Variants in CDKN3 observed in about 807,000 individuals in gnomAD.
CDKN3 encodes the protein cyclin dependent kinase inhibitor 3.
In CDKN3, 19 loss-of-function variants were observed where a neutral mutation model predicts 36.1. That is an observed-to-expected ratio of 0.53 (90% CI 0.37 to 0.77). The LOEUF is 0.77. Ranked by LOEUF, CDKN3 falls within the 30% of genes least tolerant of loss-of-function variation. The pLI, the probability that CDKN3 is intolerant of heterozygous loss-of-function variation, is 0.00. For synonymous variants in CDKN3, 71 were observed against 85.3 expected, an observed-to-expected ratio of 0.83 and a Z score of 0.92; for missense variants, 188 against 248.6, an observed-to-expected ratio of 0.76 and a Z score of 1.64.
chr14:54,414,005 C>A, intron 5 of CDKN3: 1 of 229,948 alleles, frequency 4.3e-6, no homozygotes, highest in South Asian at 9.6e-5. Context: ...TGGTGGTGGC[C>A]ATCAATCCAT....
intron 3 of CDKN3, among the ~76,000 whole-genome samples, chr14:54,406,922 TC>T (rs1225241525): frequency 6.6e-6 from 1 of 152,180 alleles, no homozygotes; most frequent in Non-Finnish European, 1.5e-5. Context: ...GAAGAGGTAT[TC>T]TGGTTTTTGG....
At chr14:54,402,301 T>C (rs1366147568) in intron 3 of CDKN3, among the ~76,000 whole-genome samples, 1 of 89,644 alleles carries the variant, frequency 1.1e-5, no homozygotes, top group Non-Finnish European at 2.6e-5. Context: ...TTCCATGGCA[T>C]GTGTGTGCGT....
At chr14:54,399,843 A>C (rs907567707) in intron 1 of CDKN3, 51 bp from the exon 2 acceptor site, 13 of 943,188 alleles carry the variant, frequency 1.4e-5, no homozygotes, top group Non-Finnish European at 2.3e-5. Flanking sequence ...AGCTATCCTA[A>C]AACTACAAAA....
intron 5 of CDKN3, among the ~76,000 whole-genome samples, chr14:54,412,392 A>AAG (rs1555362205): frequency 1.7e-4 from 25 of 150,832 alleles, no homozygotes; most frequent in Admixed American, 3.3e-4. Context: ...AGAAAAAAAA[A>AAG]AATAAAGAAA....
chr14:54,397,067 C>A lies in CDKN3; in HGVS notation c.-2C>A. 1 of 1,499,642 alleles carries A rather than the reference C, an allele frequency of 6.7e-7. No individual in the cohort carries two copies. Among genetic ancestry groups the A allele is most frequent in the Non-Finnish European group, 8.9e-7 (1 of 1,121,144 alleles). The allele number at this position is 1,499,642 out of a possible 1,614,324, so 92.9% of individuals were successfully genotyped here. A position where few individuals can be genotyped will look rare whatever the true frequency, so the allele number is the denominator to read the frequency against. ...ACTGGTCTCGACGTGGGGCGGCCAG[C>A]GATGAAGCCGGTGAGTCGGACGTGC... On this transcript the variant is annotated 5_prime_UTR_variant, in exon 1 of 8. Coordinates refer to ENST00000335183, the MANE Select transcript of CDKN3 (RefSeq NM_005192.4).
intron 1 of CDKN3, among the ~76,000 whole-genome samples, chr14:54,397,902 G>A (rs1185064950): frequency 1.3e-5 from 2 of 152,196 alleles, no homozygotes; most frequent in African/African-American, 2.4e-5. Context: ...AGGCCAAGGC[G>A]GGCGGATCAC....
chr14:54,406,181 C>T (rs1204356859), intron 3 of CDKN3, among the ~76,000 whole-genome samples: 2 of 152,194 alleles, frequency 1.3e-5, no homozygotes, highest in Admixed American at 1.3e-4. Context: ...TCTCTTCTGG[C>T]TTGTAGGGTT....
At chr14:54,398,445 C>G (rs1370067536) in intron 1 of CDKN3, among the ~76,000 whole-genome samples, 1 of 152,184 alleles carries the variant, frequency 6.6e-6, no homozygotes, top group African/African-American at 2.4e-5. Flanking sequence ...GGTCCACTCT[C>G]TGGCACACAG....
At chr14:54,418,100 T>A in intron 7 of CDKN3, 149 bp downstream of exon 7, 1 of 691,304 alleles carries the variant, frequency 1.4e-6, no homozygotes, top group South Asian at 1.6e-5. Flanking sequence ...ACCACTTGCT[T>A]ATGCTTTTAG....
chr14:54,418,510 G>T, intron 7 of CDKN3: 1 of 473,236 alleles, frequency 2.1e-6, no homozygotes, highest in Admixed American at 3.8e-5. Flanking sequence ...CAATGCCAAG[G>T]ATATTGCATT....
Sources: allele counts gnomAD v4.1 joint callset (sites outside exome capture counted in the v4.1 genomes callset), GRCh38; gene constraint gnomAD v4.1.1; transcripts MANE v1.5; gene names NCBI Gene and HGNC (gene_info 2026-07-23, HGNC 2026-07-21).